SDE2: variants seen among roughly 807,000 people sequenced by gnomAD.
The protein encoded by SDE2 is spliceosome associated SDE2.
A neutral mutation model predicts 46.9 loss-of-function variants in SDE2; 31 were observed. The observed-to-expected ratio is 0.66, with a 90% CI of 0.50 to 0.89. SDE2 has a LOEUF of 0.89. Ranked by LOEUF, SDE2 falls within the 40% of genes least tolerant of loss-of-function variation. The pLI, the probability that SDE2 is intolerant of heterozygous loss-of-function variation, is 0.00. For missense variants in SDE2, 542 were observed against 564.4 expected (o/e 0.96, Z 0.40); for synonymous variants, 205 against 204.3 (o/e 1.00, Z -0.03).
Position 225,988,966 on chromosome 1 carries a change from C to G in SDE2, c.642-578G>C, listed in dbSNP as rs973619951. Among the ~76,000 whole-genome samples, 2 of 152,152 alleles carry G rather than the reference C, an allele frequency of 1.3e-5. 1 individual carries two copies. Among genetic ancestry groups the G allele is most frequent in the South Asian group, 4.1e-4 (2 of 4,832 alleles). On this transcript the variant is annotated intron_variant, in intron 5 of 6. Transcript: ENST00000272091. The stretch of plus-strand genomic sequence containing the variant: ...GATTTTGCTTAAAGCTTTCTTCCCC[C>G]GCATTACATTACCTTCGACGGTTGG...
chr1:225,999,234 A>G lies in SDE2; in HGVS notation c.79T>C (p.Cys27Arg), dbSNP rs776057731. The change falls in exon 1 of 7, where the codon TGC becomes CGC. Residue 27 changes from cysteine (C) to arginine (R), a missense_variant. Cys to Arg is a radical substitution (Grantham distance 180). Transcript: ENST00000272091. ...CGGTGGATAAAATCCCGGACGGTGC[A>G]CCGACCCGAGGCACACCGCACCGCC... ...CKAVRCASGR[C>R]TVRDFIHRHC... is the part of the protein sequence containing the mutation. 51 of 1,613,146 alleles carry G rather than the reference A, an allele frequency of 3.2e-5. No homozygotes were observed. Among genetic ancestry groups the G allele is most frequent in the Non-Finnish European group, 4.1e-5 (48 of 1,179,694 alleles).
chr1:225,995,314 G>A lies in SDE2; in HGVS notation c.190C>T (p.His64Tyr). ...GGTTCCAAACTATAAACAGCTCCAT[G>A]CTGCACTGTGTCACTGGTGTTAATG... ...ALINTSDTVQHGAVYSLEPRL... is the reference protein window; with the variant it reads ...ALINTSDTVQYGAVYSLEPRL... The change falls in exon 2 of 7, where the codon CAT (histidine) becomes TAT (tyrosine). Residue 64 changes from histidine (H) to tyrosine (Y), a missense_variant. This residue lies in a region of SDE2 where 135 missense variants were observed against 106.5 expected (regional missense o/e 1.27). Coordinates refer to ENST00000272091, the MANE Select transcript of SDE2 (RefSeq NM_152608.4). 1 of 1,612,982 alleles carries A rather than the reference G, an allele frequency of 6.2e-7. No individual in the cohort carries two copies. Among genetic ancestry groups the A allele is most frequent in the Non-Finnish European group, 8.5e-7 (1 of 1,179,106 alleles).
Position 225,999,105 on chromosome 1 carries a change from T to C in SDE2, c.120+88A>G, listed in dbSNP as rs1372335653. Reference sequence around the variant, plus strand: ...GAGTGAAAACCCCAGAGAATAAACGTACCCCCGCCCCGGACAGACCTACTC... The same window carrying C: ...GAGTGAAAACCCCAGAGAATAAACGCACCCCCGCCCCGGACAGACCTACTC... On this transcript the variant is annotated intron_variant, in intron 1 of 6. Coordinates refer to ENST00000272091, the MANE Select transcript of SDE2 (RefSeq NM_152608.4). 3.0e-5 allele frequency: 32 copies of C among 1,059,082 alleles called. No individual in the cohort carries two copies. The East Asian group carries it at 7.5e-4, about 25-fold the overall frequency. 65.6% of individuals were successfully genotyped at this position (1,059,082 alleles called of 1,614,324 possible). A position where few individuals can be genotyped will look rare whatever the true frequency, so the allele number is the denominator to read the frequency against.
chr1:225,986,677 T>C (rs997270106), intron 6 of SDE2, among the ~76,000 whole-genome samples: 8 of 152,258 alleles, frequency 5.3e-5, no homozygotes, highest in African/African-American at 1.9e-4. Flanking sequence ...TATCAGGTTT[T>C]ATCCTATGAT....
chr1:225,997,792 A>AT (rs1558086253), intron 1 of SDE2, among the ~76,000 whole-genome samples: 4 of 152,166 alleles, frequency 2.6e-5, no homozygotes, highest in African/African-American at 2.4e-5. Context: ...TTAAGATCCT[A>AT]TTTTTTCTGG....
intron 1 of SDE2, among the ~76,000 whole-genome samples, chr1:225,998,429 G>C (rs543474738): frequency 8.5e-5 from 13 of 152,216 alleles, no homozygotes; most frequent in Non-Finnish European, 1.3e-4. Context: ...ATGAGGTGCG[G>C]AAAGAACAGA....
chr1:225,994,533 C>T (rs1340476798), intron 2 of SDE2, among the ~76,000 whole-genome samples: 1 of 152,190 alleles, frequency 6.6e-6, no homozygotes, highest in Non-Finnish European at 1.5e-5. Flanking sequence ...ATATTGTTTT[C>T]GCTCTTTGTT....
intron 1 of SDE2, among the ~76,000 whole-genome samples, chr1:225,997,471 C>A (rs1156516091): frequency 6.6e-6 from 1 of 152,192 alleles, no homozygotes; most frequent in South Asian, 2.1e-4. Flanking sequence ...GCTCTGTCAC[C>A]CAGTTTGGAG....
Position 225,986,008 on chromosome 1 carries a change from C to T in SDE2, c.1135-485G>A, listed in dbSNP as rs974252173. Among the ~76,000 whole-genome samples, 12 of 152,244 alleles carry T rather than the reference C, an allele frequency of 7.9e-5. No homozygotes were observed. In the South Asian group the frequency reaches 2.5e-3, roughly 32 times the overall value. The stretch of plus-strand genomic sequence containing the variant: ...TAACTCAACAAACTCAAATGCTGTT[C>T]AATAGACTTGCAACTGTTCTACCCA... On this transcript the variant is annotated intron_variant, in intron 6 of 6. Coordinates refer to ENST00000272091, the MANE Select transcript of SDE2 (RefSeq NM_152608.4).
At chr1:225,989,104 C>A (rs1221777906) in intron 5 of SDE2, among the ~76,000 whole-genome samples, 2 of 150,660 alleles carry the variant, frequency 1.3e-5, no homozygotes, top group Non-Finnish European at 3.0e-5. Context: ...CAAGATCAGC[C>A]TGGCCAATAT....
chr1:225,994,407 C>T (rs993425811), intron 2 of SDE2, among the ~76,000 whole-genome samples: 12 of 152,228 alleles, frequency 7.9e-5, no homozygotes, highest in African/African-American at 2.9e-4. Flanking sequence ...CAATTTCAAA[C>T]AGCTGGATAT....
Position 225,983,206 on chromosome 1 carries a change from G to C in SDE2, c.*2096C>G, listed in dbSNP as rs1200387201. On this transcript the variant is annotated 3_prime_UTR_variant, in exon 7 of 7. Coordinates refer to ENST00000272091, the MANE Select transcript of SDE2 (RefSeq NM_152608.4). ...AGCACAAAGTAAATTAATAGAAAGA[G>C]GTATACTGTGCAAACACTAAGCTTA... 1.3e-5 allele frequency: 2 copies of C among 152,088 alleles called. No homozygotes were observed. The highest frequency in any genetic ancestry group is 4.8e-5 in the African/African-American group (2 of 41,430). 9.4% of individuals were successfully genotyped at this position (152,088 alleles called of 1,614,324 possible). A position where few individuals can be genotyped will look rare whatever the true frequency, so the allele number is the denominator to read the frequency against.
chr1:225,990,827 CTT>C (rs1327733630), intron 5 of SDE2, among the ~76,000 whole-genome samples: 1 of 152,138 alleles, frequency 6.6e-6, no homozygotes, highest in Non-Finnish European at 1.5e-5. Flanking sequence ...TACTGCTGTG[CTT>C]TTTACCCTCA....
At chr1:225,993,209 C>T (rs897278223) in intron 2 of SDE2, among the ~76,000 whole-genome samples, 2 of 151,218 alleles carry the variant, frequency 1.3e-5, no homozygotes, top group African/African-American at 4.9e-5. Context: ...TTTCACCTTT[C>T]ATTTTATAGT....
At chr1:225,998,426 G>A (rs1316419844) in intron 1 of SDE2, among the ~76,000 whole-genome samples, 2 of 152,208 alleles carry the variant, frequency 1.3e-5, no homozygotes, top group African/African-American at 4.8e-5. Context: ...CGGATGAGGT[G>A]CGGAAAGAAC....
In SDE2 at chr1:225,985,512, C is replaced by T. The variant is rs1656250749; in HGVS notation, c.1146G>A (p.Lys382=). Residue 382 remains lysine, a synonymous_variant, in exon 7 of 7, where the codon AAG becomes AAA. Coordinates refer to ENST00000272091, the MANE Select transcript of SDE2 (RefSeq NM_152608.4). The stretch of plus-strand genomic sequence containing the variant: ...TGAACGCCAATAAATCTATAGTTTC[C>T]TTATCAATAACCTGAGGGAAAAAAA... ...ESQPGNAVID[K]ETIDLLAFTS... is the part of the protein sequence containing the mutation. 1 of 1,608,918 alleles carries T rather than the reference C, an allele frequency of 6.2e-7. No individual in the cohort carries two copies. The highest frequency in any genetic ancestry group is 1.3e-5 in the African/African-American group (1 of 74,786).
intron 3 of SDE2, 23 bp from the exon 4 acceptor site, chr1:225,992,590 T>G: frequency 6.7e-7 from 1 of 1,483,536 alleles, no homozygotes; most frequent in Non-Finnish European, 9.3e-7. Flanking sequence ...GAGGAAGAGA[T>G]ATAACTGAAT....
chr1:225,998,369 T>C (rs939822610), intron 1 of SDE2, among the ~76,000 whole-genome samples: 5 of 152,104 alleles, frequency 3.3e-5, no homozygotes, highest in African/African-American at 1.2e-4. Context: ...GTGTTAACAT[T>C]TGTTAAGCTT....
chr1:225,998,551 G>C (rs904038275), intron 1 of SDE2, among the ~76,000 whole-genome samples: 2 of 152,204 alleles, frequency 1.3e-5, no homozygotes, highest in African/African-American at 4.8e-5. Flanking sequence ...TTACTTGAAA[G>C]TTCAGTAAAA....
Sources: allele counts gnomAD v4.1 joint callset (sites outside exome capture counted in the v4.1 genomes callset), GRCh38; gene constraint gnomAD v4.1.1; regional missense constraint gnomAD v4.1.1; transcripts MANE v1.5; gene names NCBI Gene and HGNC (gene_info 2026-07-23, HGNC 2026-07-21).